LARGE1: variants seen among roughly 807,000 people sequenced by gnomAD.
The protein encoded by LARGE1 is xylosyl- and glucuronyltransferase LARGE1.
Under a neutral mutation model 87.6 loss-of-function variants are expected in LARGE1, and 43 were observed. The observed-to-expected ratio is 0.49, with a 90% CI of 0.38 to 0.63. The LOEUF is 0.63. Ranked by LOEUF, LARGE1 falls within the 30% of genes least tolerant of loss-of-function variation. The probability of loss-of-function intolerance (pLI) is 0.00; values close to 1 mark genes in which losing one functional copy is unlikely to be tolerated. For synonymous variants in LARGE1, 434 were observed against 394.6 expected (o/e 1.10, Z -1.18); for missense variants, 802 against 1,000.2 (o/e 0.80, Z 2.67).
At chr22:33,288,481 G>T (rs1323048229) in intron 12 of LARGE1, among the ~76,000 whole-genome samples, 1 of 152,106 alleles carries the variant, frequency 6.6e-6, no homozygotes, top group Non-Finnish European at 1.5e-5. Context: ...ATCTAGCTCT[G>T]CATATTGATA....
At chr22:33,841,239 T>C (rs914592928) in intron 1 of LARGE1, among the ~76,000 whole-genome samples, 2 of 152,238 alleles carry the variant, frequency 1.3e-5, no homozygotes, top group African/African-American at 2.4e-5. Context: ...CATTTTTTTT[T>C]CCTCTTACAA....
chr22:33,115,843 C>T, the LARGE1 span, among the ~76,000 whole-genome samples: 1 of 149,104 alleles, frequency 6.7e-6, no homozygotes, highest in East Asian at 2.0e-4. Flanking sequence ...AAAGAGATAC[C>T]AGGGATGCAC....
chr22:33,388,693 G>C (rs930068684), intron 7 of LARGE1, among the ~76,000 whole-genome samples: 2 of 152,154 alleles, frequency 1.3e-5, no homozygotes, highest in African/African-American at 2.4e-5. Context: ...AGCATCCCAA[G>C]TAACTGGAAC....
At chr22:33,505,774 G>A (rs912235682) in intron 6 of LARGE1, among the ~76,000 whole-genome samples, 1 of 152,120 alleles carries the variant, frequency 6.6e-6, no homozygotes. Context: ...GTCGTGCTGC[G>A]ACTGTGTCAT....
chr22:33,633,396 G>C (rs2080169013), intron 3 of LARGE1, among the ~76,000 whole-genome samples: 3 of 152,164 alleles, frequency 2.0e-5, no homozygotes, highest in African/African-American at 4.8e-5. Context: ...CTCTTTGCTT[G>C]TCAGCCTCCA....
chr22:33,343,406 G>C (rs1016912544), intron 9 of LARGE1, among the ~76,000 whole-genome samples: 1 of 152,074 alleles, frequency 6.6e-6, no homozygotes, highest in Non-Finnish European at 1.5e-5. Flanking sequence ...AGCACTTTGA[G>C]CATCTGCATC....
At chr22:33,810,585 C>T (rs939007270) in intron 1 of LARGE1, among the ~76,000 whole-genome samples, 6 of 152,278 alleles carry the variant, frequency 3.9e-5, no homozygotes, top group East Asian at 1.9e-4. Context: ...AACCATTATG[C>T]GCCCTTTTCT....
intron 6 of LARGE1, among the ~76,000 whole-genome samples, chr22:33,510,790 T>C (rs900539647): frequency 7.2e-5 from 11 of 152,292 alleles, no homozygotes; most frequent in Non-Finnish European, 1.5e-4. Context: ...TTTCACTATG[T>C]TGCCCAGGCT....
chr22:33,312,411 G>A lies in LARGE1; in HGVS notation c.1451+3674C>T, dbSNP rs141963683. On this transcript the variant is annotated intron_variant, in intron 11 of 14. Coordinates refer to ENST00000397394, the MANE Select transcript of LARGE1 (RefSeq NM_133642.5). ...GCCGAGATTGCAACACTGCACTCTGGCCTGGCGACACCGCAAGACTCTGTC... is the reference window on the plus strand; with the variant it reads ...GCCGAGATTGCAACACTGCACTCTGACCTGGCGACACCGCAAGACTCTGTC... 3.3e-4 allele frequency among the ~76,000 whole-genome samples: 48 copies of A among 145,714 alleles called. 1 individual carries two copies. In the East Asian group the frequency reaches 7.8e-3, roughly 24 times the overall value.
At chr22:33,677,506 C>T (rs2081619540) in intron 2 of LARGE1, among the ~76,000 whole-genome samples, 1 of 152,056 alleles carries the variant, frequency 6.6e-6, no homozygotes, top group South Asian at 2.1e-4. Flanking sequence ...CTCACTGTCT[C>T]CATATTTTTT....
At chr22:33,297,870 C>G (rs1474520710) in intron 12 of LARGE1, among the ~76,000 whole-genome samples, 1 of 150,118 alleles carries the variant, frequency 6.7e-6, no homozygotes, top group Non-Finnish European at 1.5e-5. Flanking sequence ...ATCCTAGCTA[C>G]TCAGGAGGCT....
chr22:33,358,828 T>TACA (rs199968081), intron 9 of LARGE1, among the ~76,000 whole-genome samples: 11,009 of 151,448 alleles, frequency 0.073, 478 homozygotes, highest in South Asian at 0.13. Context: ...CTACTTAAAA[T>TACA]ACAACAACAA....
At chr22:33,462,542 G>A (rs2068423514) in intron 6 of LARGE1, among the ~76,000 whole-genome samples, 1 of 152,196 alleles carries the variant, frequency 6.6e-6, no homozygotes, top group African/African-American at 2.4e-5. Flanking sequence ...CAGCACTTAG[G>A]GAGGCCGAGG....
intron 1 of LARGE1, among the ~76,000 whole-genome samples, chr22:33,793,035 C>T (rs901275664): frequency 3.9e-5 from 6 of 152,282 alleles, no homozygotes; most frequent in African/African-American, 7.2e-5. Flanking sequence ...GAGGAGGAGA[C>T]GGAGGCAGGG....
intron 6 of LARGE1, among the ~76,000 whole-genome samples, chr22:33,559,163 G>T (rs1016172850): frequency 2.0e-5 from 3 of 152,326 alleles, no homozygotes; most frequent in Non-Finnish European, 2.9e-5. Flanking sequence ...TGCATGGTGA[G>T]AACTCTCTGC....
chr22:33,378,508 A>C (rs2065056679), intron 9 of LARGE1, among the ~76,000 whole-genome samples: 1 of 152,156 alleles, frequency 6.6e-6, no homozygotes, highest in African/African-American at 2.4e-5. Context: ...CAACAGAATA[A>C]TTATATGTTT....
intron 1 of LARGE1, among the ~76,000 whole-genome samples, chr22:33,824,817 G>A (rs967983496): frequency 6.6e-6 from 1 of 152,150 alleles, no homozygotes; most frequent in South Asian, 2.1e-4. Context: ...AGAAGTACTG[G>A]TACACGATAT....
At chr22:33,103,293 C>T in the LARGE1 span, among the ~76,000 whole-genome samples, 17 of 151,612 alleles carry the variant, frequency 1.1e-4, no homozygotes, top group Admixed American at 5.3e-4. Context: ...ATTAGCCGGG[C>T]GTGGTGGCGG....
intron 5 of LARGE1, among the ~76,000 whole-genome samples, chr22:33,594,972 G>A (rs768126535): frequency 1.3e-5 from 2 of 152,148 alleles, no homozygotes; most frequent in Admixed American, 1.3e-4. Context: ...GCACTGCAGG[G>A]AAGGCTCACA....
Sources: gnomAD v4.1 joint callset for allele counts (sites outside exome capture counted in the v4.1 genomes callset) on GRCh38, gnomAD v4.1.1 for gene constraint, MANE v1.5 for transcripts, NCBI Gene and HGNC (gene_info 2026-07-23, HGNC 2026-07-21) for gene names.